GLI3: variants seen among roughly 807,000 people sequenced by gnomAD.
GLI3 encodes transcription activator GLI3.
In GLI3, 20 loss-of-function variants were observed where a neutral mutation model predicts 100.8. The ratio of observed to expected loss-of-function variants is 0.20; its 90% CI spans 0.14 to 0.29. The LOEUF is 0.29. Ranked by LOEUF, GLI3 falls within the 10% of genes least tolerant of loss-of-function variation. The pLI is 1.00. For synonymous variants in GLI3, 938 were observed against 860.5 expected, an observed-to-expected ratio of 1.09 and a Z score of -1.58; for missense variants, 2,040 against 2,128.5, an observed-to-expected ratio of 0.96 and a Z score of 0.82.
intron 5 of GLI3, 63 bp downstream of exon 5, chr7:42,048,428 C>A (rs1019012224): frequency 9.1e-7 from 1 of 1,093,016 alleles, no homozygotes; most frequent in Non-Finnish European, 1.4e-6. Flanking sequence ...TTATACACGT[C>A]CCGAGTGAGG....
At chr7:42,209,988 A>G (rs1367310552) in intron 2 of GLI3, among the ~76,000 whole-genome samples, 5 of 77,458 alleles carry the variant, frequency 6.5e-5, no homozygotes, top group South Asian at 7.6e-4. Flanking sequence ...AAGAATCTGA[A>G]AAAAAAAAAA....
intron 14 of GLI3, among the ~76,000 whole-genome samples, chr7:41,967,359 C>T (rs1310120325): frequency 6.6e-6 from 1 of 152,166 alleles, no homozygotes; most frequent in African/African-American, 2.4e-5. Context: ...TATGATTTCA[C>T]CATCAGAATA....
intron 2 of GLI3, among the ~76,000 whole-genome samples, chr7:42,217,328 C>T (rs1036222697): frequency 6.6e-6 from 1 of 152,192 alleles, no homozygotes; most frequent in African/African-American, 2.4e-5. Context: ...AAATAAAGAA[C>T]ACAGTGGTAA....
In GLI3 at chr7:42,005,367, G is replaced by A. The variant is rs188541253; in HGVS notation, c.1497+18101C>T. 1.3e-4 allele frequency among the ~76,000 whole-genome samples: 20 copies of A among 151,818 alleles called. No individual in the cohort carries two copies. The East Asian group carries it at 3.3e-3, about 25-fold the overall frequency. On this transcript the variant is annotated intron_variant, in intron 10 of 14. Coordinates refer to ENST00000395925, the MANE Select transcript of GLI3 (RefSeq NM_000168.6). ...TATAATGTTTGCCATATTTTAGAAC[G>A]TCAAAATTTAAGAACGGATGGATGG...
intron 1 of GLI3, among the ~76,000 whole-genome samples, chr7:42,261,103 G>T: frequency 6.6e-6 from 1 of 152,074 alleles, no homozygotes; most frequent in East Asian, 1.9e-4. Flanking sequence ...GCATCAGCTC[G>T]GCTTCTGGGA....
intron 3 of GLI3, among the ~76,000 whole-genome samples, chr7:42,111,151 T>G (rs1194703731): frequency 1.3e-5 from 2 of 152,210 alleles, no homozygotes; most frequent in African/African-American, 2.4e-5. Context: ...ACAACTTGCA[T>G]AGTCTATCAA....
chr7:42,216,370 AG>A lies in GLI3; in HGVS notation c.124+6759del, dbSNP rs202015621. 5.3e-5 allele frequency among the ~76,000 whole-genome samples: 8 copies of A among 152,332 alleles called. No homozygotes were observed. The East Asian group carries it at 1.5e-3, about 29-fold the overall frequency. On this transcript the variant is annotated intron_variant, in intron 2 of 14. Transcript: ENST00000395925. Reference sequence around the variant, plus strand: ...GGACAGGATAAACTGGTGGAGCATGAGGGATCTTTAGAGCATTCAAAGTATT... The same window carrying A: ...GGACAGGATAAACTGGTGGAGCATGAGGATCTTTAGAGCATTCAAAGTATT...
chr7:42,081,022 T>G (rs1784987143), intron 3 of GLI3, among the ~76,000 whole-genome samples: 1 of 152,156 alleles, frequency 6.6e-6, no homozygotes, highest in Admixed American at 6.5e-5. Context: ...AAACACCACA[T>G]GATGACTTCT....
chr7:42,172,161 C>T (rs572119237), intron 2 of GLI3, among the ~76,000 whole-genome samples: 2 of 152,090 alleles, frequency 1.3e-5, no homozygotes, highest in African/African-American at 2.4e-5. Context: ...TTCTTCTGTA[C>T]GTAGGCCCGT....
rs147748649 is a variant in GLI3, at chr7:42,030,411, C to A, written c.1029-3999G>T. Among the ~76,000 whole-genome samples, 554 of 152,312 alleles carry A rather than the reference C, an allele frequency of 3.6e-3. 5 individuals are homozygous for A. The highest frequency in any genetic ancestry group is 0.013 in the African/African-American group (530 of 41,574). On this transcript the variant is annotated intron_variant, in intron 7 of 14. Coordinates refer to ENST00000395925, the MANE Select transcript of GLI3 (RefSeq NM_000168.6). ...ATCTTTGGGGCCGTTATCCTGCCTA[C>A]CACACTCAAAAGAGTCACCTCAAAG...
intron 12 of GLI3, among the ~76,000 whole-genome samples, chr7:41,974,228 G>A (rs563248281): frequency 6.6e-6 from 1 of 152,272 alleles, no homozygotes; most frequent in Non-Finnish European, 1.5e-5. Context: ...ATACAAATGT[G>A]TCGGCTCCTG....
At chr7:41,997,155 G>A (rs1228190343) in intron 10 of GLI3, among the ~76,000 whole-genome samples, 1 of 152,074 alleles carries the variant, frequency 6.6e-6, no homozygotes, top group East Asian at 1.9e-4. Flanking sequence ...TTTTCCCCCA[G>A]ATGTTTCCAT....
At chr7:42,148,160 CA>C in intron 3 of GLI3, 65 bp downstream of exon 3, 2 of 1,517,694 alleles carry the variant, frequency 1.3e-6, no homozygotes, top group Non-Finnish European at 1.8e-6. Flanking sequence ...CACACACACA[CA>C]CACACACACA....
At chr7:42,158,523 C>G (rs1381621400) in intron 2 of GLI3, among the ~76,000 whole-genome samples, 3 of 151,220 alleles carry the variant, frequency 2.0e-5, no homozygotes, top group African/African-American at 7.3e-5. Flanking sequence ...GACTTTCACT[C>G]TTGTTGCCCA....
chr7:41,962,298 A>G lies in GLI3; in HGVS notation c.*2032T>C, dbSNP rs1471236020. On this transcript the variant is annotated 3_prime_UTR_variant, in exon 15 of 15. Coordinates refer to ENST00000395925, the MANE Select transcript of GLI3 (RefSeq NM_000168.6). The stretch of plus-strand genomic sequence containing the variant: ...TTGAACCAAACCATTAGAGCACACA[A>G]GATAAGACTGGAGATTTGGAGATTT... The G allele has an allele frequency of 2.0e-5, 3 of 152,248 alleles. No homozygotes were observed. The allele number at this position is 152,248 out of a possible 1,614,324, so 9.4% of individuals were successfully genotyped here.
chr7:41,999,600 T>G (rs1788228531), intron 10 of GLI3, among the ~76,000 whole-genome samples: 1 of 152,144 alleles, frequency 6.6e-6, no homozygotes, highest in African/African-American at 2.4e-5. Context: ...AAGCTCTCTG[T>G]GGTGAAGGAC....
At chr7:42,196,578 A>G (rs2128690765) in intron 2 of GLI3, among the ~76,000 whole-genome samples, 1 of 152,348 alleles carries the variant, frequency 6.6e-6, no homozygotes, top group East Asian at 1.9e-4. Context: ...AGATTTTTAA[A>G]GAGGTCACCA....
At chr7:42,199,166 G>C (rs1033298540) in intron 2 of GLI3, among the ~76,000 whole-genome samples, 6 of 152,120 alleles carry the variant, frequency 3.9e-5, no homozygotes, top group African/African-American at 1.4e-4. Context: ...GCACAAAGCT[G>C]GATCCAAATG....
intron 2 of GLI3, among the ~76,000 whole-genome samples, chr7:42,160,799 C>A (rs1470636314): frequency 1.3e-5 from 2 of 152,170 alleles, no homozygotes; most frequent in African/African-American, 2.4e-5. Context: ...ACCTCTAAGG[C>A]AACAGACCAG....
Sources: gnomAD v4.1 joint callset for allele counts (sites outside exome capture counted in the v4.1 genomes callset) on GRCh38, gnomAD v4.1.1 for gene constraint, MANE v1.5 for transcripts, NCBI Gene and HGNC (gene_info 2026-07-23, HGNC 2026-07-21) for gene names.